ATP10A: variants seen among roughly 807,000 people sequenced by gnomAD.
ATP10A encodes the protein ATPase phospholipid transporting 10A (putative).
ATP10A carries 111 observed loss-of-function variants against 147.8 expected under a neutral mutation model. The observed-to-expected ratio is 0.75, with a 90% CI of 0.64 to 0.88. ATP10A has a LOEUF of 0.88. Among genes scored for constraint, ATP10A ranks in the 40% least tolerant of loss-of-function variants. The pLI, the probability that ATP10A is intolerant of heterozygous loss-of-function variation, is 0.00. For missense variants in ATP10A, 1,927 were observed against 1,959.0 expected (o/e 0.98, Z 0.31); for synonymous variants, 875 against 841.6 (o/e 1.04, Z -0.69).
intron 15 of ATP10A, among the ~76,000 whole-genome samples, chr15:25,690,853 T>C (rs920410815): frequency 3.4e-4 from 51 of 152,130 alleles, no homozygotes; most frequent in Non-Finnish European, 6.0e-4. Flanking sequence ...ACACGGAGAT[T>C]CCAGTCAGAT....
chr15:25,683,264 C>T (rs374339798), intron 17 of ATP10A, 22 bp downstream of exon 17: 76 of 1,609,784 alleles, frequency 4.7e-5, no homozygotes, highest in African/African-American at 4.4e-4. Flanking sequence ...AGGTGGAAGG[C>T]GGAGACTCGG....
chr15:25,854,872 A>G (rs1445235309), intron 1 of ATP10A, among the ~76,000 whole-genome samples: 1 of 152,232 alleles, frequency 6.6e-6, no homozygotes, highest in Non-Finnish European at 1.5e-5. Context: ...AGCCTCATCA[A>G]CATGGTGAAA....
chr15:25,740,376 G>A (rs746014859), intron 2 of ATP10A, among the ~76,000 whole-genome samples: 7 of 152,220 alleles, frequency 4.6e-5, no homozygotes, highest in Non-Finnish European at 7.3e-5. Flanking sequence ...CCTGCCTAAC[G>A]CTCCAGGTGG....
Position 25,862,942 on chromosome 15 carries a change from C to A in ATP10A, c.155G>T (p.Arg52Leu). ...GGCCAGGTGCTGGGCACACCCGCGC[C>A]GCCGTCGCCGCTCGCCCTTGGCCGC... ...AGAAKGERRR[R>L]RGCAQHLADN... Residue 52 changes from arginine (R) to leucine (L), a missense_variant, in exon 1 of 21, where the codon CGG becomes CTG. Coordinates refer to ENST00000555815, the MANE Select transcript of ATP10A (RefSeq NM_024490.4). The A allele has an allele frequency of 6.4e-7, 1 of 1,574,290 alleles. No homozygotes were observed. Among genetic ancestry groups the A allele is most frequent in the Non-Finnish European group, 8.6e-7 (1 of 1,165,232 alleles).
At chr15:25,791,889 A>G (rs944552028) in intron 1 of ATP10A, among the ~76,000 whole-genome samples, 1 of 152,220 alleles carries the variant, frequency 6.6e-6, no homozygotes, top group African/African-American at 2.4e-5. Flanking sequence ...ATAGGTAAAT[A>G]TATCTGACTT....
At chr15:25,786,123 C>T (rs949071571) in intron 1 of ATP10A, among the ~76,000 whole-genome samples, 2 of 152,178 alleles carry the variant, frequency 1.3e-5, no homozygotes, top group Non-Finnish European at 2.9e-5. Context: ...CAGGCAAGGT[C>T]GTGCCCAGGC....
intron 1 of ATP10A, among the ~76,000 whole-genome samples, 165 bp from the exon 2 acceptor site, chr15:25,781,388 G>A (rs993346158): frequency 6.6e-6 from 1 of 152,176 alleles, no homozygotes; most frequent in Non-Finnish European, 1.5e-5. Context: ...CGGGTGTGGT[G>A]GCTCACGCCT....
At position 25,789,565 on chromosome 15, in the gene ATP10A, A is replaced by AGTGTTTTTGTGT. The variant is rs1890316006; in HGVS notation, c.450-8343_450-8342insACACAAAAACAC. On this transcript the variant is annotated intron_variant, in intron 1 of 20. Transcript: ENST00000555815. The stretch of plus-strand genomic sequence containing the variant: ...TTTTCATATGGTGGACCAATAAAGA[A>AGTGTTTTTGTGT]GTGTGTGTGTGTGTGTGTGTGTGTG... Among the ~76,000 whole-genome samples, 3 of 141,442 alleles carry AGTGTTTTTGTGT rather than the reference A, an allele frequency of 2.1e-5. No individual in the cohort carries two copies. The South Asian group carries it at 6.8e-4, about 32-fold the overall frequency. 92.8% of individuals were successfully genotyped at this position (141,442 alleles called of 152,430 possible).
At chr15:25,729,444 T>G (rs1039778040) in intron 3 of ATP10A, among the ~76,000 whole-genome samples, 3 of 152,212 alleles carry the variant, frequency 2.0e-5, no homozygotes, top group African/African-American at 7.2e-5. Flanking sequence ...GGCGTCTGCA[T>G]TTCTCTGCTG....
intron 1 of ATP10A, among the ~76,000 whole-genome samples, chr15:25,810,932 G>A (rs1363788537): frequency 6.6e-6 from 1 of 152,122 alleles, no homozygotes; most frequent in Non-Finnish European, 1.5e-5. Context: ...ACAAAGCCAG[G>A]ACGGTCTGAT....
In ATP10A at chr15:25,695,171, G is replaced by A. The variant is rs774520406; in HGVS notation, c.2761-25C>T. The A allele has an allele frequency of 1.1e-4, 166 of 1,580,660 alleles. 1 individual carries two copies. In the South Asian group the frequency reaches 1.7e-3, roughly 16 times the overall value. On this transcript the variant is annotated intron_variant, in intron 13 of 20. Coordinates refer to ENST00000555815, the MANE Select transcript of ATP10A (RefSeq NM_024490.4). ...CCTGAAAGGGACATGAGAGGACAGCGCAGTTCCCTCAGAGTCATGCCACAA... is the reference window on the plus strand; with the variant it reads ...CCTGAAAGGGACATGAGAGGACAGCACAGTTCCCTCAGAGTCATGCCACAA...
chr15:25,783,634 G>GCA lies in ATP10A; in HGVS notation c.450-2413_450-2412dup, dbSNP rs577488921. Among the ~76,000 whole-genome samples the GCA allele has an allele frequency of 7.3e-4, 111 of 152,322 alleles. 1 individual carries two copies. In the East Asian group the frequency reaches 0.021, roughly 29 times the overall value. ...GTTATGTACAAAGCATAGCTCTGGG[G>GCA]CACTACGTTGGGAACAAAGATACAT... On this transcript the variant is annotated intron_variant, in intron 1 of 20. Transcript: ENST00000555815.
chr15:25,769,770 G>A lies in ATP10A; in HGVS notation c.654+11249C>T, dbSNP rs547013065. On this transcript the variant is annotated intron_variant, in intron 2 of 20. Transcript: ENST00000555815. ...TGGCGGTTACTTTCACTCCGAACCT[G>A]CACTGTGAGGGGTTGAATTCTACCT... 6.1e-4 allele frequency among the ~76,000 whole-genome samples: 93 copies of A among 152,288 alleles called. 1 individual carries two copies. The highest frequency in any genetic ancestry group is 1.2e-3 in the Non-Finnish European group (79 of 68,032).
downstream of ATP10A, among the ~76,000 whole-genome samples, chr15:25,675,446 G>A (rs1899117191): frequency 6.6e-6 from 1 of 152,184 alleles, no homozygotes; most frequent in Admixed American, 6.5e-5. Flanking sequence ...GTGAGAACAG[G>A]CTAGGTTGAG....
rs770654461 is a variant in ATP10A, at chr15:25,701,939, T to C, written c.2737A>G (p.Ile913Val). ...CKLLDHDEEV[I>V]TLNATSQEAC... ...ACCTGGGAGGTGGCATTCAGGGTGA[T>C]GACCTCCTCGTCGTGGTCCAGCAGT... Residue 913 changes from isoleucine (I) to valine (V), a missense_variant, in exon 13 of 21, where the codon ATC becomes GTC. Physicochemically the swap from Ile to Val is conservative, Grantham distance 29. Coordinates refer to ENST00000555815, the MANE Select transcript of ATP10A (RefSeq NM_024490.4). 5 of 1,610,584 alleles carry C rather than the reference T, an allele frequency of 3.1e-6. No homozygotes were observed. Among genetic ancestry groups the C allele is most frequent in the Middle Eastern group, 1.7e-4 (1 of 6,024 alleles).
At chr15:25,725,591 G>A (rs796276466) in intron 5 of ATP10A, among the ~76,000 whole-genome samples, 7 of 151,906 alleles carry the variant, frequency 4.6e-5, no homozygotes, top group African/African-American at 1.7e-4. Context: ...TTGCATGTCT[G>A]GGGGCAGCCC....
At chr15:25,811,210 C>T (rs116669756) in intron 1 of ATP10A, among the ~76,000 whole-genome samples, 4,559 of 152,258 alleles carry the variant, frequency 0.03, 85 homozygotes, top group African/African-American at 0.038. Context: ...ACCCAGAAGG[C>T]GGAGGCTGGG....
chr15:25,827,774 A>G (rs1348978702), intron 1 of ATP10A, among the ~76,000 whole-genome samples: 1 of 152,260 alleles, frequency 6.6e-6, no homozygotes, highest in Non-Finnish European at 1.5e-5. Context: ...AAATAGCAAT[A>G]TGGCAGACTT....
intron 13 of ATP10A, among the ~76,000 whole-genome samples, chr15:25,699,602 C>T (rs1900548624): frequency 6.6e-6 from 1 of 152,166 alleles, no homozygotes; most frequent in South Asian, 2.1e-4. Context: ...GGCACAGTGG[C>T]TCAAGTCTAT....
Sources: gnomAD v4.1 joint callset for allele counts (sites outside exome capture counted in the v4.1 genomes callset) on GRCh38, gnomAD v4.1.1 for gene constraint, MANE v1.5 for transcripts, NCBI Gene and HGNC (gene_info 2026-07-23, HGNC 2026-07-21) for gene names.